KCTD10: variants seen among roughly 807,000 people sequenced by gnomAD.
KCTD10 encodes potassium channel tetramerization domain containing 10.
Under a neutral mutation model 34.6 loss-of-function variants are expected in KCTD10, and 13 were observed. That is an observed-to-expected ratio of 0.38 (90% CI 0.24 to 0.60). The LOEUF (loss-of-function observed/expected upper bound fraction) is 0.60, where lower values mean the gene tolerates loss of function less well. Ranked by LOEUF, KCTD10 falls within the 20% of genes least tolerant of loss-of-function variation. KCTD10 has a pLI of 0.66. For missense variants in KCTD10, 256 were observed against 420.3 expected (o/e 0.61, Z 3.42); for synonymous variants, 156 against 168.8 (o/e 0.92, Z 0.59).
intron 3 of KCTD10, chr12:109,459,298 A>C (rs1873191294): frequency 6.6e-6 from 1 of 152,246 alleles, no homozygotes; most frequent in African/African-American, 2.4e-5. Flanking sequence ...CTAAGAGGAA[A>C]GAATTAGGAG....
In KCTD10 at chr12:109,450,377, A is replaced by G. The variant is rs2135629441; in HGVS notation, c.*1218T>C. On this transcript the variant is annotated 3_prime_UTR_variant, in exon 7 of 7. Coordinates refer to ENST00000228495, the MANE Select transcript of KCTD10 (RefSeq NM_031954.5). ...GGGCCGCCACCTGTGCCCCACAAGC[A>G]CACGTCCCCACCCACAGTCACACAT... 1 of 399,062 alleles carries G rather than the reference A, an allele frequency of 2.5e-6. No homozygotes were observed. Among genetic ancestry groups the G allele is most frequent in the Non-Finnish European group, 4.4e-6 (1 of 226,324 alleles). The allele number at this position is 399,062 out of a possible 1,614,324, so 24.7% of individuals were successfully genotyped here.
At chr12:109,473,124 C>T (rs1409275723) in intron 1 of KCTD10, among the ~76,000 whole-genome samples, 1 of 152,210 alleles carries the variant, frequency 6.6e-6, no homozygotes, top group African/African-American at 2.4e-5. Context: ...CAGTCACTCT[C>T]AAGCTGGAGT....
chr12:109,472,305 C>T (rs1039760886), intron 1 of KCTD10, among the ~76,000 whole-genome samples: 1 of 151,628 alleles, frequency 6.6e-6, no homozygotes, highest in Non-Finnish European at 1.5e-5. Context: ...ACTTTTTAAA[C>T]TTTTTTATCC....
chr12:109,452,707 T>G (rs1872834061), intron 6 of KCTD10, among the ~76,000 whole-genome samples: 1 of 152,182 alleles, frequency 6.6e-6, no homozygotes, highest in Non-Finnish European at 1.5e-5. Context: ...GTTTACTGTT[T>G]GCTGCTGCCA....
intron 2 of KCTD10, among the ~76,000 whole-genome samples, chr12:109,464,382 C>T (rs1046538170): frequency 9.2e-5 from 14 of 152,186 alleles, no homozygotes; most frequent in Non-Finnish European, 1.5e-5. Context: ...CTGGCCTCTA[C>T]TCACTTGACG....
chr12:109,475,344 GCACA>G (rs1424495318), intron 1 of KCTD10, among the ~76,000 whole-genome samples: 1 of 152,148 alleles, frequency 6.6e-6, no homozygotes, highest in Non-Finnish European at 1.5e-5. Flanking sequence ...GGTCATGGTG[GCACA>G]CACCTGTAGT....
intron 2 of KCTD10, among the ~76,000 whole-genome samples, chr12:109,467,493 A>G (rs750216384): frequency 1.3e-5 from 2 of 152,142 alleles, no homozygotes; most frequent in Non-Finnish European, 2.9e-5. Context: ...TTGGTGGTGC[A>G]TGCCTGTATT....
Position 109,451,748 on chromosome 12 carries a change from A to G in KCTD10, c.789T>C (p.Asp263=). The G allele has an allele frequency of 6.2e-7, 1 of 1,614,140 alleles. No homozygotes were observed. The highest frequency in any genetic ancestry group is 1.3e-5 in the African/African-American group (1 of 75,050). ...TLNILLYEAQ[D]GRGPDNALLE... ...GGAGCGCATTGTCAGGTCCCCGGCC[A>G]TCCTGGGCCTCATACAGCAAAATGT... is the stretch of plus-strand genomic sequence containing the variant. The change falls in exon 7 of 7, where the codon GAT becomes GAC. Residue 263 remains aspartate, a synonymous_variant. Coordinates refer to ENST00000228495, the MANE Select transcript of KCTD10 (RefSeq NM_031954.5). This position sits in a 1 kb window ranked among gnomAD's most constrained non-coding sequence, Gnocchi z 5.0.
Position 109,460,283 on chromosome 12 carries a change from T to C in KCTD10, c.387+353A>G, listed in dbSNP as rs1010579563. On this transcript the variant is annotated intron_variant, in intron 3 of 6. Transcript: ENST00000228495. This position sits in a 1 kb window ranked among gnomAD's most constrained non-coding sequence, Gnocchi z 4.5. ...GAGGGGTGTCTGTCTGTAGAGATTA[T>C]GCTGAGCTCCCAACAATGACTTGTG... 1 of 208,364 alleles carries C rather than the reference T, an allele frequency of 4.8e-6. No individual in the cohort carries two copies. Among genetic ancestry groups the C allele is most frequent in the African/African-American group, 2.3e-5 (1 of 43,594 alleles). The allele number at this position is 208,364 out of a possible 1,614,324, so 12.9% of individuals were successfully genotyped here. A position where few individuals can be genotyped will look rare whatever the true frequency, so the allele number is the denominator to read the frequency against.
rs1039394078 is a variant in KCTD10, at chr12:109,448,994, C to T, written c.*2601G>A. 1 of 148,144 alleles carries T rather than the reference C, an allele frequency of 6.8e-6. No individual in the cohort carries two copies. The highest frequency in any genetic ancestry group is 2.7e-5 in the African/African-American group (1 of 37,522). The allele number at this position is 148,144 out of a possible 1,614,324, so 9.2% of individuals were successfully genotyped here. A position where few individuals can be genotyped will look rare whatever the true frequency, so the allele number is the denominator to read the frequency against. On this transcript the variant is annotated 3_prime_UTR_variant, in exon 7 of 7. Coordinates refer to ENST00000228495, the MANE Select transcript of KCTD10 (RefSeq NM_031954.5). ...GGCCCCAGTCACCACAATCAGATGGCTTATTTGAAACAAACAAACAAAAAA... is the reference window on the plus strand; with the variant it reads ...GGCCCCAGTCACCACAATCAGATGGTTTATTTGAAACAAACAAACAAAAAA...
rs138116819 is a variant in KCTD10, at chr12:109,462,345, C to T, written c.218-1540G>A. On this transcript the variant is annotated intron_variant, in intron 2 of 6. Transcript: ENST00000228495. ...TCCAGCGGCTTCCACTTCCTACTTCCGCACTGTTCCAATTTCCTGAGTAGG... is the reference window on the plus strand; with the variant it reads ...TCCAGCGGCTTCCACTTCCTACTTCTGCACTGTTCCAATTTCCTGAGTAGG... Among the ~76,000 whole-genome samples the T allele has an allele frequency of 1.8e-4, 27 of 152,340 alleles. No individual in the cohort carries two copies. The East Asian group carries it at 3.5e-3, about 20-fold the overall frequency.
chr12:109,466,338 G>A (rs1873587043), intron 2 of KCTD10, among the ~76,000 whole-genome samples: 1 of 152,128 alleles, frequency 6.6e-6, no homozygotes, highest in African/African-American at 2.4e-5. Flanking sequence ...AACATCTCAG[G>A]CCCTGTGGCA....
chr12:109,472,819 T>A (rs1385826195), intron 1 of KCTD10, among the ~76,000 whole-genome samples: 1 of 152,238 alleles, frequency 6.6e-6, no homozygotes, highest in Non-Finnish European at 1.5e-5. Context: ...CAAACTGTCA[T>A]TATGTGCGCA....
chr12:109,468,348 T>A (rs899125338), intron 2 of KCTD10, among the ~76,000 whole-genome samples: 46 of 152,082 alleles, frequency 3.0e-4, no homozygotes, highest in Non-Finnish European at 5.4e-4. Context: ...GGTCCCCCAA[T>A]CCCACCCGCT....
At chr12:109,471,490 CT>C in intron 1 of KCTD10, 1 of 886,608 alleles carries the variant, frequency 1.1e-6, no homozygotes, top group South Asian at 5.2e-5. Context: ...AAAGCTCAGG[CT>C]TAGCTCACCT....
rs1296005642 is a variant in KCTD10, at chr12:109,449,514, CAG to C, written c.*2079_*2080del. ...GGCCAAGGTGGTCGGATCACAGGGT[CAG>C]GAGTTCAAGACCAGCCTGGCCAACA... On this transcript the variant is annotated 3_prime_UTR_variant, in exon 7 of 7. Coordinates refer to ENST00000228495, the MANE Select transcript of KCTD10 (RefSeq NM_031954.5). 3 of 152,240 alleles carry C rather than the reference CAG, an allele frequency of 2.0e-5. No individual in the cohort carries two copies. The highest frequency in any genetic ancestry group is 7.2e-5 in the African/African-American group (3 of 41,436). The allele number at this position is 152,240 out of a possible 1,614,324, so 9.4% of individuals were successfully genotyped here. A position where few individuals can be genotyped will look rare whatever the true frequency, so the allele number is the denominator to read the frequency against.
chr12:109,454,701 C>T (rs1326700517), intron 6 of KCTD10, among the ~76,000 whole-genome samples: 1 of 152,140 alleles, frequency 6.6e-6, no homozygotes, highest in East Asian at 1.9e-4. Context: ...TGTACTCAAG[C>T]CTGGGTGACA....
At chr12:109,457,212 G>C (rs533712174) in intron 5 of KCTD10, 55 of 166,918 alleles carry the variant, frequency 3.3e-4, no homozygotes, top group Non-Finnish European at 1.0e-4. Flanking sequence ...AAAATGTCCA[G>C]AACAGGCAAA....
chr12:109,465,464 G>A (rs1873547097), intron 2 of KCTD10, among the ~76,000 whole-genome samples: 1 of 152,248 alleles, frequency 6.6e-6, no homozygotes, highest in Admixed American at 6.5e-5. Context: ...CACCCAGAGA[G>A]CTCTTCAAAG....
Sources: allele counts gnomAD v4.1 joint callset (sites outside exome capture counted in the v4.1 genomes callset), GRCh38; gene constraint gnomAD v4.1.1; non-coding constraint Gnocchi (gnomAD v3.1); transcripts MANE v1.5; gene names NCBI Gene and HGNC (gene_info 2026-07-23, HGNC 2026-07-21).